The following CFLAR variants were observed in gnomAD, a reference collection of about 807,000 sequenced individuals.
The protein encoded by CFLAR is CASP8 and FADD like apoptosis regulator.
Under a neutral mutation model 51.1 loss-of-function variants are expected in CFLAR, and 14 were observed. The ratio of observed to expected loss-of-function variants is 0.27; its 90% CI spans 0.18 to 0.43. The LOEUF (loss-of-function observed/expected upper bound fraction) is 0.43. Ranked by LOEUF, CFLAR falls within the 20% of genes least tolerant of loss-of-function variation. CFLAR has a pLI of 1.00. For missense variants in CFLAR, 390 were observed against 566.5 expected, an observed-to-expected ratio of 0.69 and a Z score of 3.16; for synonymous variants, 210 against 211.6, an observed-to-expected ratio of 0.99 and a Z score of 0.06.
At chr2:201,153,672 C>G (rs1477815554) in intron 8 of CFLAR, 1 of 152,018 alleles carries the variant, frequency 6.6e-6, no homozygotes, top group Non-Finnish European at 1.5e-5. Flanking sequence ...GAAATAAGGT[C>G]TCTGAAAGAA....
At chr2:201,163,223 A>C (rs1369014702) in intron 9 of CFLAR, 2 of 1,287,802 alleles carry the variant, frequency 1.6e-6, no homozygotes, top group Admixed American at 7.2e-5. Flanking sequence ...GCTTTGTTAT[A>C]TAAACATTTT....
At chr2:201,141,635 T>C (rs1057277477) in intron 5 of CFLAR, 7 of 1,296,720 alleles carry the variant, frequency 5.4e-6, no homozygotes, top group African/African-American at 1.5e-5. Context: ...ATTTTAATGA[T>C]TTCAGCAAAA....
At chr2:201,157,488 C>A (rs1258793065) in intron 8 of CFLAR, among the ~76,000 whole-genome samples, 3 of 152,148 alleles carry the variant, frequency 2.0e-5, no homozygotes, top group Non-Finnish European at 4.4e-5. Context: ...ATCCTCCTGC[C>A]TCAGCCTCCT....
Position 201,166,584 on chromosome 2 carries a change from T to C in CFLAR, c.*2611T>C. ...CGGGGTGGCGGCCGGGCAGAAGCTG[T>C]AATCTCGGCACCCTGGGGGGCCAAG... On this transcript the variant is annotated 3_prime_UTR_variant, in exon 10 of 10. Coordinates refer to ENST00000309955, the MANE Select transcript of CFLAR (RefSeq NM_003879.7). 5.5e-6 allele frequency: 1 copy of C among 182,056 alleles called. No homozygotes were observed. The highest frequency in any genetic ancestry group is 1.1e-5 in the Non-Finnish European group (1 of 87,692). The allele number at this position is 182,056 out of a possible 1,614,324, so 11.3% of individuals were successfully genotyped here. A position where few individuals can be genotyped will look rare whatever the true frequency, so the allele number is the denominator to read the frequency against.
Position 201,171,080 on chromosome 2 carries a change from CAT to C in CFLAR, c.*7109_*7110del. ...AAACCAAACATTGTATGTTCTCACT[CAT>C]AAGTGGGAGATAAGCTATGAGGATG... is the stretch of plus-strand genomic sequence containing the variant. On this transcript the variant is annotated 3_prime_UTR_variant, in exon 10 of 10. Transcript: ENST00000309955. 6.6e-6 allele frequency: 1 copy of C among 152,092 alleles called. No individual in the cohort carries two copies. Among genetic ancestry groups the C allele is most frequent in the East Asian group, 1.9e-4 (1 of 5,176 alleles). The allele number at this position is 152,092 out of a possible 1,614,324, so 9.4% of individuals were successfully genotyped here.
intron 1 of CFLAR, among the ~76,000 whole-genome samples, chr2:201,127,616 T>C (rs2048831798): frequency 6.6e-6 from 1 of 152,206 alleles, no homozygotes; most frequent in African/African-American, 2.4e-5. Context: ...CTCCCTAGTA[T>C]GCTCTCCTTT....
At chr2:201,145,606 G>A in intron 6 of CFLAR, 174 bp downstream of exon 6, 1 of 568,764 alleles carries the variant, frequency 1.8e-6, no homozygotes, top group Non-Finnish European at 3.1e-6. Context: ...GTTGTCTATT[G>A]AATTAGCTTA....
At chr2:201,151,499 T>A (rs2125866098) in intron 8 of CFLAR, among the ~76,000 whole-genome samples, 1 of 152,282 alleles carries the variant, frequency 6.6e-6, no homozygotes, top group East Asian at 1.9e-4. Flanking sequence ...TTTCCAGGAT[T>A]TCAGATACGA....
rs1944146542 is a variant in CFLAR at position 201,174,919 on chromosome 2, C to T, written c.*10946C>T. On this transcript the variant is annotated 3_prime_UTR_variant, in exon 10 of 10. Transcript: ENST00000309955. ...AAACCAGCCAAAACCATGATGGTGACAGAAGAGACCTCTGGTTACCTTTGC... is the reference window on the plus strand; with the variant it reads ...AAACCAGCCAAAACCATGATGGTGATAGAAGAGACCTCTGGTTACCTTTGC... The T allele has an allele frequency of 6.6e-6, 1 of 152,194 alleles. No homozygotes were observed. Among genetic ancestry groups the T allele is most frequent in the Non-Finnish European group, 1.5e-5 (1 of 68,046 alleles). 9.4% of individuals were successfully genotyped at this position (152,194 alleles called of 1,614,324 possible).
chr2:201,166,608 A>G lies in CFLAR; in HGVS notation c.*2635A>G. On this transcript the variant is annotated 3_prime_UTR_variant, in exon 10 of 10. Transcript: ENST00000309955. ...GTAATCTCGGCACCCTGGGGGGCCA[A>G]GGCAGGCGGCTGGGAGGCGGAGGCC... is the stretch of plus-strand genomic sequence containing the variant. The G allele has an allele frequency of 5.6e-6, 1 of 179,784 alleles. No homozygotes were observed. Among genetic ancestry groups the G allele is most frequent in the South Asian group, 9.7e-5 (1 of 10,330 alleles). 11.1% of individuals were successfully genotyped at this position (179,784 alleles called of 1,614,324 possible). A position where few individuals can be genotyped will look rare whatever the true frequency, so the allele number is the denominator to read the frequency against.
chr2:201,127,420 T>C (rs973717356), intron 1 of CFLAR, among the ~76,000 whole-genome samples: 1 of 152,170 alleles, frequency 6.6e-6, no homozygotes, highest in African/African-American at 2.4e-5. Flanking sequence ...TTCGGAAGGC[T>C]GAGGTAGGAG....
At chr2:201,162,118 T>A (rs1575965658) in intron 9 of CFLAR, among the ~76,000 whole-genome samples, 2 of 152,288 alleles carry the variant, frequency 1.3e-5, no homozygotes, top group East Asian at 3.9e-4. Flanking sequence ...TTTGTTTGTT[T>A]TTTGAGATGA....
chr2:201,145,733 A>G (rs1031517816), intron 6 of CFLAR: 7 of 282,216 alleles, frequency 2.5e-5, no homozygotes, highest in African/African-American at 1.3e-4. Context: ...TTAAACATTG[A>G]TCCAACCATG....
In CFLAR at chr2:201,116,878, G is replaced by A. The variant is rs1172714227; in HGVS notation, c.-138+397G>A. ...GCACCCCGATGGACCTGAGAGACCG[G>A]AAGTAACCCTTGGCCAACTCTGGCC... On this transcript the variant is annotated intron_variant, in intron 1 of 9. Coordinates refer to ENST00000309955, the MANE Select transcript of CFLAR (RefSeq NM_003879.7). This position sits in a 1 kb window ranked among gnomAD's most constrained non-coding sequence, Gnocchi z 4.8. 1 of 152,308 alleles carries A rather than the reference G, an allele frequency of 6.6e-6. No individual in the cohort carries two copies. Among genetic ancestry groups the A allele is most frequent in the African/African-American group, 2.4e-5 (1 of 41,470 alleles). 9.4% of individuals were successfully genotyped at this position (152,308 alleles called of 1,614,324 possible).
chr2:201,130,183 G>GCC, intron 2 of CFLAR, 37 bp downstream of exon 2: 1 of 854,254 alleles, frequency 1.2e-6, no homozygotes, highest in Non-Finnish European at 1.7e-6. Context: ...GGGTGGGTGG[G>GCC]AGGGAGTGAA....
At chr2:201,139,540 C>T (rs1937935272) in intron 4 of CFLAR, 1 of 154,240 alleles carries the variant, frequency 6.5e-6, no homozygotes, top group African/African-American at 2.4e-5. Flanking sequence ...CGGTGTAAAA[C>T]CTGATTGTAT....
At chr2:201,144,677 A>G (rs1175650865) in intron 5 of CFLAR, among the ~76,000 whole-genome samples, 1 of 152,236 alleles carries the variant, frequency 6.6e-6, no homozygotes, top group East Asian at 1.9e-4. Context: ...ACTCTTAACC[A>G]TGCTGTACTT....
At chr2:201,159,920 G>T (rs1360784342) in intron 8 of CFLAR, among the ~76,000 whole-genome samples, 1 of 152,104 alleles carries the variant, frequency 6.6e-6, no homozygotes, top group Non-Finnish European at 1.5e-5. Context: ...GCTTGATTGG[G>T]ATTGGAGGCT....
Position 201,138,435 on chromosome 2 carries a change from G to C in CFLAR, c.524-1922G>C. On this transcript the variant is annotated intron_variant, in intron 4 of 9. Coordinates refer to ENST00000309955, the MANE Select transcript of CFLAR (RefSeq NM_003879.7). The surrounding 1 kb of genome is among the most constrained non-coding windows in gnomAD (Gnocchi z 4.0). The stretch of plus-strand genomic sequence containing the variant: ...TCATCGCGATCATTGACGATAGGCA[G>C]CTTCCTTTCTTACTAAGCTGCAGGA... 1.2e-6 allele frequency: 1 copy of C among 822,762 alleles called. No individual in the cohort carries two copies. Among genetic ancestry groups the C allele is most frequent in the South Asian group, 1.3e-5 (1 of 75,514 alleles). The allele number at this position is 822,762 out of a possible 1,614,324, so 51.0% of individuals were successfully genotyped here.
Sources: allele counts gnomAD v4.1 joint callset (sites outside exome capture counted in the v4.1 genomes callset), GRCh38; gene constraint gnomAD v4.1.1; non-coding constraint Gnocchi (gnomAD v3.1); transcripts MANE v1.5; gene names NCBI Gene and HGNC (gene_info 2026-07-23, HGNC 2026-07-21).